CIT: variants seen among roughly 807,000 people sequenced by gnomAD.
The protein encoded by CIT is citron rho-interacting serine/threonine kinase.
A neutral mutation model predicts 272.7 loss-of-function variants in CIT; 79 were observed. The observed-to-expected ratio is 0.29, with a 90% CI of 0.24 to 0.35. CIT has a LOEUF of 0.35. Ranked by LOEUF, CIT falls within the 10% of genes least tolerant of loss-of-function variation. The probability of loss-of-function intolerance (pLI) is 1.00; values close to 1 mark genes in which losing one functional copy is unlikely to be tolerated. For synonymous variants in CIT, 948 were observed against 995.6 expected (o/e 0.95, Z 0.90); for missense variants, 1,909 against 2,618.3 (o/e 0.73, Z 5.91).
At chr12:119,702,602 G>A (rs566172942) in intron 41 of CIT, among the ~76,000 whole-genome samples, 5 of 152,098 alleles carry the variant, frequency 3.3e-5, no homozygotes, top group Middle Eastern at 3.4e-3. Context: ...CAGGAGAATC[G>A]CTCAAACCCG....
chr12:119,794,770 A>C (rs1450208879), intron 10 of CIT, among the ~76,000 whole-genome samples: 1 of 152,232 alleles, frequency 6.6e-6, no homozygotes. Flanking sequence ...GGAGAAAAAG[A>C]GAGTCCAAAG....
At chr12:119,812,204 T>A (rs945337999) in intron 9 of CIT, among the ~76,000 whole-genome samples, 1 of 152,140 alleles carries the variant, frequency 6.6e-6, no homozygotes, top group Non-Finnish European at 1.5e-5. Flanking sequence ...CGCCTTGGCC[T>A]CCCAAAGTGC....
chr12:119,824,651 C>T (rs559149757), intron 8 of CIT, among the ~76,000 whole-genome samples: 18 of 152,340 alleles, frequency 1.2e-4, no homozygotes, highest in African/African-American at 4.3e-4. Context: ...TCCACCACTG[C>T]TGAAACACTC....
At chr12:119,873,989 C>G (rs56903823) in intron 2 of CIT, among the ~76,000 whole-genome samples, 20,036 of 152,054 alleles carry the variant, frequency 0.13, 3,624 homozygotes, top group African/African-American at 0.41. Context: ...TGCTTTAAAT[C>G]GAATATCTCA....
chr12:119,772,907 C>G lies in CIT; in HGVS notation c.1945G>C (p.Val649Leu). The G allele has an allele frequency of 6.2e-7, 1 of 1,612,120 alleles. No homozygotes were observed. Among genetic ancestry groups the G allele is most frequent in the Non-Finnish European group, 8.5e-7 (1 of 1,179,356 alleles). The stretch of plus-strand genomic sequence containing the variant: ...TCGGTGGCCTCCGTGCTGGCTTTTA[C>G]AGCCTAGGAAGAGAGAAGGAAAAGG... The part of the protein sequence containing the change: ...QELQEKLEKA[V>L]KASTEATELL... The change falls in exon 17 of 48, where the codon GTA becomes CTA. Residue 649 changes from valine (V) to leucine (L), a missense_variant. Transcript: ENST00000392521.
At chr12:119,842,070 G>A (rs1156450857) in intron 5 of CIT, among the ~76,000 whole-genome samples, 1 of 152,048 alleles carries the variant, frequency 6.6e-6, no homozygotes, top group Non-Finnish European at 1.5e-5. Flanking sequence ...ACCACAGTAG[G>A]AAAAACATCA....
intron 3 of CIT, among the ~76,000 whole-genome samples, chr12:119,863,968 T>C (rs1257652638): frequency 6.6e-6 from 1 of 152,160 alleles, no homozygotes; most frequent in African/African-American, 2.4e-5. Flanking sequence ...CGCTGGCGCC[T>C]TGATCTTGGA....
At position 119,804,143 on chromosome 12, in the gene CIT, T is replaced by A. The variant is rs1966441981; in HGVS notation, c.1112-754A>T. 1.7e-5 allele frequency: 17 copies of A among 984,988 alleles called. No homozygotes were observed. The highest frequency in any genetic ancestry group is 2.0e-5 in the Non-Finnish European group (17 of 829,564). 61.0% of individuals were successfully genotyped at this position (984,988 alleles called of 1,614,324 possible). A position where few individuals can be genotyped will look rare whatever the true frequency, so the allele number is the denominator to read the frequency against. Reference sequence around the variant, plus strand: ...CGCGCTGACGGTGGGAATGCACGGATGGACATATGCGGCTCCTACCTCCTC... The same window carrying A: ...CGCGCTGACGGTGGGAATGCACGGAAGGACATATGCGGCTCCTACCTCCTC... On this transcript the variant is annotated intron_variant, in intron 9 of 47. Coordinates refer to ENST00000392521, the MANE Select transcript of CIT (RefSeq NM_001206999.2). The surrounding 1 kb of genome is among the most constrained non-coding windows in gnomAD (Gnocchi z 5.3).
At chr12:119,731,813 A>AATATATATATATATATATAT (rs57327382) in intron 26 of CIT, among the ~76,000 whole-genome samples, 20 of 139,132 alleles carry the variant, frequency 1.4e-4, no homozygotes, top group African/African-American at 5.3e-4. Flanking sequence ...TTCTCTCCTA[A>AATATATATATATATATATAT]ATATATATAT....
rs200757503 is a variant in CIT at position 119,803,376 on chromosome 12, G to A, written c.1125C>T (p.Phe375=). Residue 375 remains phenylalanine (F), a synonymous_variant, in exon 10 of 48, where the codon TTC becomes TTT. Coordinates refer to ENST00000392521, the MANE Select transcript of CIT (RefSeq NM_001206999.2). ...WNNIRNSPPP[F]VPTLKSDDDT... is the part of the protein sequence containing the mutation. ...CATCGTCAGACTTGAGGGTGGGAAC[G>A]AAGGGGGGAGGAGCTGGTTAAAGAA... 33 of 1,570,490 alleles carry A rather than the reference G, an allele frequency of 2.1e-5. No homozygotes were observed. In the East Asian group the frequency reaches 3.5e-4, roughly 17 times the overall value.
chr12:119,834,160 T>C lies in CIT; in HGVS notation c.585A>G (p.Glu195=), dbSNP rs767592939. 1 of 1,614,084 alleles carries C rather than the reference T, an allele frequency of 6.2e-7. No homozygotes were observed. Among genetic ancestry groups the C allele is most frequent in the South Asian group, 1.1e-5 (1 of 91,066 alleles). ...LLNRYEDQLD[E]NLIQFYLAEL... is the part of the protein sequence containing the mutation. ...CAGCTAGGTAAAACTGTATCAGGTTTTCATCTAACTGGTCCTCATATCTAT... is the reference window on the plus strand; with the variant it reads ...CAGCTAGGTAAAACTGTATCAGGTTCTCATCTAACTGGTCCTCATATCTAT... Residue 195 remains glutamate (E), a synonymous_variant, in exon 6 of 48, where the codon GAA becomes GAG. Coordinates refer to ENST00000392521, the MANE Select transcript of CIT (RefSeq NM_001206999.2).
intron 4 of CIT, among the ~76,000 whole-genome samples, chr12:119,854,187 C>T (rs904751580): frequency 2.6e-5 from 4 of 151,934 alleles, no homozygotes; most frequent in Non-Finnish European, 4.4e-5. Flanking sequence ...CCACCACACC[C>T]GGCTAATTTT....
chr12:119,710,511 C>T lies in CIT; in HGVS notation c.4935+29G>A, dbSNP rs750841647. ...GATGGGGTGTGGCTGTAACCAGACA[C>T]CAGCTGGCCGTGCCCATGCAAGCAT... On this transcript the variant is annotated intron_variant, in intron 38 of 47. Coordinates refer to ENST00000392521, the MANE Select transcript of CIT (RefSeq NM_001206999.2). The surrounding 1 kb of genome is among the most constrained non-coding windows in gnomAD (Gnocchi z 5.6). 11 of 1,613,706 alleles carry T rather than the reference C, an allele frequency of 6.8e-6. No homozygotes were observed. Among genetic ancestry groups the T allele is most frequent in the Non-Finnish European group, 8.5e-6 (10 of 1,179,566 alleles).
intron 9 of CIT, among the ~76,000 whole-genome samples, chr12:119,816,089 A>G (rs895578203): frequency 6.6e-6 from 1 of 152,224 alleles, no homozygotes; most frequent in African/African-American, 2.4e-5. Flanking sequence ...TGGAACAATA[A>G]TAAGCATAAA....
intron 13 of CIT, among the ~76,000 whole-genome samples, chr12:119,780,240 A>G (rs528682317): frequency 3.3e-5 from 5 of 152,304 alleles, no homozygotes; most frequent in African/African-American, 9.6e-5. Flanking sequence ...CAAATTTCAC[A>G]TGAGTCTTTG....
chr12:119,874,613 T>C (rs1479327598), intron 2 of CIT, among the ~76,000 whole-genome samples: 1 of 152,154 alleles, frequency 6.6e-6, no homozygotes, highest in Non-Finnish European at 1.5e-5. Flanking sequence ...GTGACAGAAA[T>C]GTGTATCTTG....
intron 21 of CIT, among the ~76,000 whole-genome samples, chr12:119,757,991 CT>C (rs1190437300): frequency 6.6e-6 from 1 of 152,206 alleles, no homozygotes; most frequent in Non-Finnish European, 1.5e-5. Flanking sequence ...TCCCTCACCT[CT>C]CCAGCAAACT....
At chr12:119,851,789 C>A (rs773891187) in intron 4 of CIT, among the ~76,000 whole-genome samples, 20 of 152,336 alleles carry the variant, frequency 1.3e-4, no homozygotes, top group Admixed American at 1.2e-3. Context: ...GTAATCCCAG[C>A]ACTTCGGGAG....
intron 3 of CIT, among the ~76,000 whole-genome samples, chr12:119,859,258 C>T (rs1775588867): frequency 6.6e-6 from 1 of 152,174 alleles, no homozygotes; most frequent in South Asian, 2.1e-4. Flanking sequence ...CAGAAAGATG[C>T]CACACTGAAG....
Sources: allele counts gnomAD v4.1 joint callset (sites outside exome capture counted in the v4.1 genomes callset), GRCh38; gene constraint gnomAD v4.1.1; non-coding constraint Gnocchi (gnomAD v3.1); transcripts MANE v1.5; gene names NCBI Gene and HGNC (gene_info 2026-07-23, HGNC 2026-07-21).